The following TPRG1 variants were observed in gnomAD, a reference collection of about 807,000 sequenced individuals.
TPRG1 encodes tumor protein p63 regulated 1, also known as tumor protein p63-regulated gene 1 protein.
TPRG1 carries 29 observed loss-of-function variants against 29.3 expected under a neutral mutation model. That is an observed-to-expected ratio of 0.99 (90% CI 0.74 to 1.35). TPRG1 has a LOEUF of 1.35. TPRG1 is among the 40% of genes most tolerant of loss of function. The pLI is 0.00. For synonymous variants in TPRG1, 130 were observed against 116.8 expected (o/e 1.11, Z -0.73); for missense variants, 327 against 335.0 (o/e 0.98, Z 0.19).
chr3:189,005,453 TC>T (rs1275133349), intron 3 of TPRG1, among the ~76,000 whole-genome samples: 1 of 152,124 alleles, frequency 6.6e-6, no homozygotes, highest in African/African-American at 2.4e-5. Context: ...TTTTGAGGTA[TC>T]TTCCAAGAAA....
At chr3:189,235,040 T>C (rs1001464036) in intron 3 of TPRG1, among the ~76,000 whole-genome samples, 9 of 151,978 alleles carry the variant, frequency 5.9e-5, no homozygotes, top group African/African-American at 2.2e-4. Context: ...TACAAGGATC[T>C]GAAAGAAGAT....
In TPRG1 at chr3:189,238,878, A is replaced by G. The variant is rs754655483; in HGVS notation, c.448A>G (p.Lys150Glu). 4 of 1,613,258 alleles carry G rather than the reference A, an allele frequency of 2.5e-6. No homozygotes were observed. Among genetic ancestry groups the G allele is most frequent in the Non-Finnish European group, 3.4e-6 (4 of 1,179,452 alleles). The change falls in exon 4 of 6, where the codon AAG becomes GAG. Residue 150 changes from lysine (K) to glutamate (E), a missense_variant. Physicochemically the swap from Lys to Glu is moderately conservative, Grantham distance 56. Coordinates refer to ENST00000345063, the MANE Select transcript of TPRG1 (RefSeq NM_198485.4). ...CGCTGTCTATCGCATCTGCCTGGGC[A>G]AGTTCACCTTCCCTGGGATGTCCCT... ...LSAVYRICLG[K>E]FTFPGMSLDK...
chr3:189,083,444 C>T (rs1246513651), intron 4 of TPRG1, among the ~76,000 whole-genome samples: 2 of 152,182 alleles, frequency 1.3e-5, no homozygotes, highest in African/African-American at 2.4e-5. Context: ...GGGCCTGTCA[C>T]GCCATCTACC....
intron 3 of TPRG1, among the ~76,000 whole-genome samples, chr3:189,020,491 C>A (rs907654980): frequency 4.4e-4 from 67 of 150,792 alleles, no homozygotes; most frequent in African/African-American, 1.6e-3. Context: ...GTTATGTACC[C>A]AGTAGTCATT....
chr3:189,019,144 G>T (rs1347970840), intron 3 of TPRG1, among the ~76,000 whole-genome samples: 14 of 151,002 alleles, frequency 9.3e-5, no homozygotes, highest in Non-Finnish European at 1.5e-4. Context: ...GAGACAATGG[G>T]GTTTTCTAGA....
Position 189,051,123 on chromosome 3 carries a change from C to T in TPRG1, c.-463+27177C>T, listed in dbSNP as rs542448020. Among the ~76,000 whole-genome samples the T allele has an allele frequency of 2.4e-3, 360 of 152,178 alleles. 2 individuals carry two copies. The highest frequency in any genetic ancestry group is 7.8e-3 in the African/African-American group (324 of 41,544). Reference sequence around the variant, plus strand: ...AGAAAGAAATAAAGGGCATCCAAATCGGTAAAGAGGAAGTCAAAATGTCAC... The same window carrying T: ...AGAAAGAAATAAAGGGCATCCAAATTGGTAAAGAGGAAGTCAAAATGTCAC... On this transcript the variant is annotated intron_variant, in intron 4 of 10. Coordinates refer to the TPRG1 transcript ENST00000433971.
At chr3:189,075,498 T>G (rs1349205059) in intron 4 of TPRG1, among the ~76,000 whole-genome samples, 1 of 152,214 alleles carries the variant, frequency 6.6e-6, no homozygotes, top group Non-Finnish European at 1.5e-5. Flanking sequence ...TTATGAGTTT[T>G]AGAATTTGAG....
intron 3 of TPRG1, among the ~76,000 whole-genome samples, chr3:189,017,834 A>C (rs1350844158): frequency 1.3e-5 from 2 of 152,116 alleles, no homozygotes; most frequent in Admixed American, 6.5e-5. Context: ...GAACTAGTTT[A>C]CAGTCCCACC....
At chr3:189,130,571 A>G (rs1274249532) in intron 2 of TPRG1, among the ~76,000 whole-genome samples, 1 of 152,240 alleles carries the variant, frequency 6.6e-6, no homozygotes, top group Non-Finnish European at 1.5e-5. Flanking sequence ...GAAAGAGAAC[A>G]CCAATAGTCC....
intron 4 of TPRG1, among the ~76,000 whole-genome samples, chr3:189,041,734 C>G (rs1421259547): frequency 6.6e-6 from 1 of 152,110 alleles, no homozygotes; most frequent in Admixed American, 6.6e-5. Flanking sequence ...ACCAGCTTGC[C>G]CTTAGATCTG....
At chr3:189,228,968 A>G (rs1290110883) in intron 3 of TPRG1, among the ~76,000 whole-genome samples, 1 of 152,246 alleles carries the variant, frequency 6.6e-6, no homozygotes, top group Non-Finnish European at 1.5e-5. Context: ...ATTTTTATAT[A>G]CTAGCAATAA....
At chr3:189,029,986 T>C (rs1713850427) in intron 4 of TPRG1, among the ~76,000 whole-genome samples, 1 of 152,202 alleles carries the variant, frequency 6.6e-6, no homozygotes, top group African/African-American at 2.4e-5. Context: ...CAGTCAAACC[T>C]CTTTTCTTTA....
chr3:189,242,882 T>C (rs995416316), intron 4 of TPRG1, among the ~76,000 whole-genome samples: 1 of 151,986 alleles, frequency 6.6e-6, no homozygotes. Flanking sequence ...TTTTATTTCA[T>C]ATTAATTTTG....
At chr3:189,121,215 A>G (rs548966238) in intron 1 of TPRG1, 185 of 152,326 alleles carry the variant, frequency 1.2e-3, no homozygotes, top group African/African-American at 4.3e-3. Context: ...GGTAGAGTAA[A>G]TAATCTAATT....
chr3:189,178,634 A>AT (rs1239088699), intron 1 of TPRG1, among the ~76,000 whole-genome samples: 1 of 152,206 alleles, frequency 6.6e-6, no homozygotes, highest in African/African-American at 2.4e-5. Flanking sequence ...AAGAGTTATC[A>AT]TTTTTTCAGG....
intron 4 of TPRG1, among the ~76,000 whole-genome samples, chr3:189,090,085 A>G (rs1042484286): frequency 6.6e-6 from 1 of 152,038 alleles, no homozygotes; most frequent in South Asian, 2.1e-4. Flanking sequence ...AATTGAATTC[A>G]TATTTAATTT....
At chr3:189,316,645 A>G (rs1723574592) in intron 5 of TPRG1, among the ~76,000 whole-genome samples, 1 of 152,140 alleles carries the variant, frequency 6.6e-6, no homozygotes, top group African/African-American at 2.4e-5. Context: ...AGTCAAGAAT[A>G]ATACGATGTC....
intron 4 of TPRG1, among the ~76,000 whole-genome samples, chr3:189,026,630 T>C (rs1713678060): frequency 1.3e-5 from 2 of 152,094 alleles, no homozygotes; most frequent in South Asian, 4.1e-4. Context: ...GAACATAAGA[T>C]TTGTGCAGGG....
At chr3:189,155,037 A>T (rs1006674094) in intron 5 of TPRG1, among the ~76,000 whole-genome samples, 1 of 152,216 alleles carries the variant, frequency 6.6e-6, no homozygotes, top group Non-Finnish European at 1.5e-5. Context: ...AGCGAACAGC[A>T]GGTGCAAGAT....
Sources: allele counts gnomAD v4.1 joint callset (sites outside exome capture counted in the v4.1 genomes callset), GRCh38; gene constraint gnomAD v4.1.1; transcripts MANE v1.5; gene names NCBI Gene and HGNC (gene_info 2026-07-23, HGNC 2026-07-21).